Variants in ANTXR1 observed in about 807,000 individuals in gnomAD.
ANTXR1 encodes the protein anthrax toxin receptor 1.
Under a neutral mutation model 78.1 loss-of-function variants are expected in ANTXR1, and 19 were observed. The ratio of observed to expected loss-of-function variants is 0.24; its 90% CI spans 0.17 to 0.36. The LOEUF (loss-of-function observed/expected upper bound fraction) is 0.36, where lower values mean the gene tolerates loss of function less well. Ranked by LOEUF, ANTXR1 falls within the 10% of genes least tolerant of loss-of-function variation. ANTXR1 has a pLI of 1.00. For synonymous variants in ANTXR1, 273 were observed against 260.5 expected (o/e 1.05, Z -0.46); for missense variants, 518 against 718.6 (o/e 0.72, Z 3.19).
chr2:69,042,726 G>A (rs966448974), intron 2 of ANTXR1, among the ~76,000 whole-genome samples: 10 of 152,046 alleles, frequency 6.6e-5, no homozygotes, highest in Admixed American at 5.2e-4. Flanking sequence ...ACCCACTGCT[G>A]TCTGGCCCTC....
At chr2:69,117,439 A>T (rs547754950) in intron 10 of ANTXR1, among the ~76,000 whole-genome samples, 2 of 152,240 alleles carry the variant, frequency 1.3e-5, no homozygotes, top group Admixed American at 1.3e-4. Flanking sequence ...ATATGATGTT[A>T]GAAAAAATCA....
chr2:69,089,259 T>C (rs1327013963), intron 8 of ANTXR1, among the ~76,000 whole-genome samples: 1 of 152,220 alleles, frequency 6.6e-6, no homozygotes, highest in African/African-American at 2.4e-5. Flanking sequence ...TTACCTAAAA[T>C]ACATGGTTGG....
chr2:69,155,695 G>A (rs1673501627), intron 13 of ANTXR1, among the ~76,000 whole-genome samples: 1 of 152,158 alleles, frequency 6.6e-6, no homozygotes, highest in Non-Finnish European at 1.5e-5. Context: ...GTGACATTAG[G>A]GCACTAAAAA....
At position 69,083,613 on chromosome 2, in the gene ANTXR1, T is replaced by A. The variant is rs565586703; in HGVS notation, c.642+6125T>A. 8.8e-4 allele frequency among the ~76,000 whole-genome samples: 134 copies of A among 152,294 alleles called. No individual in the cohort carries two copies. The South Asian group carries it at 0.014, about 16-fold the overall frequency. On this transcript the variant is annotated intron_variant, in intron 8 of 17. Coordinates refer to ENST00000303714, the MANE Select transcript of ANTXR1 (RefSeq NM_032208.3). ...ACTGCCCTATGTGTCATATTTCCCA[T>A]GATATGCAGCCCTGTGCTTTGCATA...
chr2:69,041,895 C>A (rs1669625714), intron 2 of ANTXR1, among the ~76,000 whole-genome samples: 1 of 152,156 alleles, frequency 6.6e-6, no homozygotes, highest in Non-Finnish European at 1.5e-5. Flanking sequence ...GGCCATGGAG[C>A]CCCTCAAAGT....
intron 10 of ANTXR1, among the ~76,000 whole-genome samples, chr2:69,110,981 T>C (rs888585668): frequency 6.6e-6 from 1 of 152,250 alleles, no homozygotes; most frequent in Non-Finnish European, 1.5e-5. Context: ...CACCTCTGAA[T>C]GAAACCACTA....
intron 6 of ANTXR1, among the ~76,000 whole-genome samples, chr2:69,075,001 C>G (rs1226553507): frequency 6.6e-6 from 1 of 152,124 alleles, no homozygotes; most frequent in Admixed American, 6.5e-5. Flanking sequence ...ATGGATTTAC[C>G]TATTCAAATA....
intron 10 of ANTXR1, among the ~76,000 whole-genome samples, chr2:69,119,455 T>G (rs574105839): frequency 6.6e-6 from 1 of 152,264 alleles, no homozygotes; most frequent in East Asian, 1.9e-4. Context: ...CACGAGGAAA[T>G]AAATATAGGT....
intron 17 of ANTXR1, among the ~76,000 whole-genome samples, chr2:69,207,269 T>TA (rs1674927965): frequency 6.6e-6 from 1 of 152,214 alleles, no homozygotes; most frequent in South Asian, 2.1e-4. Flanking sequence ...GTTAATAACA[T>TA]GTTTAGTTCT....
intron 12 of ANTXR1, among the ~76,000 whole-genome samples, chr2:69,131,723 C>G (rs139023490): frequency 3.3e-5 from 5 of 152,044 alleles, no homozygotes; most frequent in African/African-American, 1.2e-4. Context: ...CATGATGGCA[C>G]CTACTGGCAG....
chr2:69,051,791 A>T (rs554278741), intron 3 of ANTXR1, among the ~76,000 whole-genome samples: 27 of 152,164 alleles, frequency 1.8e-4, no homozygotes, highest in African/African-American at 6.5e-4. Flanking sequence ...ACATCATCTT[A>T]CTTGGCTTAT....
chr2:69,118,455 C>T (rs1672226273), intron 10 of ANTXR1, among the ~76,000 whole-genome samples: 2 of 152,124 alleles, frequency 1.3e-5, no homozygotes, highest in South Asian at 2.1e-4. Context: ...AAAATTTAAA[C>T]ATAAAAATAA....
chr2:69,181,047 C>T (rs535503975), intron 14 of ANTXR1, among the ~76,000 whole-genome samples: 5 of 152,272 alleles, frequency 3.3e-5, no homozygotes, highest in African/African-American at 1.2e-4. Context: ...GGAAGAAGGC[C>T]AGAAAGGTGA....
intron 1 of ANTXR1, among the ~76,000 whole-genome samples, chr2:69,029,101 T>C (rs1333967341): frequency 1.3e-5 from 2 of 150,066 alleles, no homozygotes; most frequent in Admixed American, 1.3e-4. Context: ...TGGTGGCGCG[T>C]GCCTGCTGTC....
chr2:69,031,769 ATC>A (rs1671536062), intron 1 of ANTXR1, among the ~76,000 whole-genome samples: 1 of 152,206 alleles, frequency 6.6e-6, no homozygotes, highest in South Asian at 2.1e-4. Flanking sequence ...AATTTAGAAA[ATC>A]TCTCTTTGAC....
intron 13 of ANTXR1, among the ~76,000 whole-genome samples, chr2:69,163,933 T>A (rs1673753942): frequency 6.6e-6 from 1 of 152,252 alleles, no homozygotes; most frequent in South Asian, 2.1e-4. Context: ...CATTACCTTC[T>A]CCTTTACCTT....
intron 17 of ANTXR1, among the ~76,000 whole-genome samples, chr2:69,206,156 C>T (rs1246752144): frequency 1.3e-5 from 2 of 152,172 alleles, no homozygotes; most frequent in Non-Finnish European, 1.5e-5. Context: ...TTGCCCCCAG[C>T]GTCTGAATTT....
At chr2:69,183,324 C>T (rs6757265) in intron 16 of ANTXR1, among the ~76,000 whole-genome samples, 74,859 of 151,958 alleles carry the variant, frequency 0.49, 18,825 homozygotes, top group East Asian at 0.72. Flanking sequence ...ACCTCCAGAT[C>T]TTAAAATCCT....
chr2:69,181,997 C>T (rs371875070), intron 15 of ANTXR1, 116 bp downstream of exon 15: 90 of 991,630 alleles, frequency 9.1e-5, no homozygotes, highest in East Asian at 4.8e-4. Flanking sequence ...GCAGTATGGC[C>T]GTAGACCACA....
Sources: allele counts gnomAD v4.1 joint callset (sites outside exome capture counted in the v4.1 genomes callset), GRCh38; gene constraint gnomAD v4.1.1; transcripts MANE v1.5; gene names NCBI Gene and HGNC (gene_info 2026-07-23, HGNC 2026-07-21).